Variants in LARGE1 observed in about 807,000 individuals in gnomAD.
LARGE1 encodes the protein xylosyl- and glucuronyltransferase LARGE1.
Under a neutral mutation model 87.6 loss-of-function variants are expected in LARGE1, and 43 were observed. That is an observed-to-expected ratio of 0.49 (90% CI 0.38 to 0.63). The LOEUF (loss-of-function observed/expected upper bound fraction) is 0.63. Among genes scored for constraint, LARGE1 ranks in the 30% least tolerant of loss-of-function variants. LARGE1 has a pLI of 0.00. For missense variants in LARGE1, 802 were observed against 1,000.2 expected, an observed-to-expected ratio of 0.80 and a Z score of 2.67; for synonymous variants, 434 against 394.6, an observed-to-expected ratio of 1.10 and a Z score of -1.18.
intron 6 of LARGE1, among the ~76,000 whole-genome samples, chr22:33,446,329 T>C (rs774212867): frequency 7.3e-4 from 111 of 152,288 alleles, no homozygotes; most frequent in Non-Finnish European, 1.3e-3. Flanking sequence ...AGTAAAACAC[T>C]TTCCTAAGCT....
intron 2 of LARGE1, among the ~76,000 whole-genome samples, chr22:33,720,838 G>A (rs16992862): frequency 3.3e-5 from 5 of 152,050 alleles, no homozygotes; most frequent in Admixed American, 2.0e-4. Flanking sequence ...CTGGTGTCAC[G>A]GCAGAGATGA....
chr22:33,465,147 G>A (rs2068554472), intron 6 of LARGE1, among the ~76,000 whole-genome samples: 1 of 152,204 alleles, frequency 6.6e-6, no homozygotes, highest in Non-Finnish European at 1.5e-5. Flanking sequence ...AGTTTACATG[G>A]CGCGACATTG....
At chr22:33,282,284 G>A (rs1349319983) in intron 13 of LARGE1, among the ~76,000 whole-genome samples, 2 of 152,196 alleles carry the variant, frequency 1.3e-5, no homozygotes, top group African/African-American at 4.8e-5. Flanking sequence ...GGCGGAGGTC[G>A]CAGTGAGCCG....
At chr22:33,177,357 C>A (rs1922931881) in intron 11 of LARGE1, among the ~76,000 whole-genome samples, 3 of 151,974 alleles carry the variant, frequency 2.0e-5, no homozygotes, top group African/African-American at 7.2e-5. Context: ...TTAAATAAAA[C>A]AATAGATATG....
At chr22:33,831,377 C>T (rs752492682) in intron 1 of LARGE1, among the ~76,000 whole-genome samples, 27 of 152,208 alleles carry the variant, frequency 1.8e-4, no homozygotes, top group Non-Finnish European at 3.4e-4. Flanking sequence ...TCTGCTTTGC[C>T]TTCCTGTTCC....
intron 6 of LARGE1, among the ~76,000 whole-genome samples, chr22:33,466,036 C>A (rs759607990): frequency 6.6e-6 from 1 of 152,176 alleles, no homozygotes; most frequent in Non-Finnish European, 1.5e-5. Context: ...GTAGCCTATA[C>A]GTCCCTACCC....
At chr22:33,615,321 A>C (rs16992631) in intron 4 of LARGE1, among the ~76,000 whole-genome samples, 490 of 152,292 alleles carry the variant, frequency 3.2e-3, no homozygotes, top group African/African-American at 0.011. Context: ...CGCAATTACC[A>C]AAGAGATTCA....
At chr22:33,703,593 G>A (rs775035590) in intron 2 of LARGE1, among the ~76,000 whole-genome samples, 3 of 152,124 alleles carry the variant, frequency 2.0e-5, no homozygotes, top group East Asian at 1.9e-4. Flanking sequence ...AGGAAGAGTC[G>A]GCGTCGGAGG....
intron 6 of LARGE1, among the ~76,000 whole-genome samples, chr22:33,519,968 T>G (rs527381238): frequency 6.6e-6 from 1 of 151,850 alleles, no homozygotes; most frequent in African/African-American, 2.4e-5. Context: ...GCTAAGAGAC[T>G]GTTCGTCTAT....
At chr22:33,203,097 C>CTG (rs1445298938) in intron 11 of LARGE1, among the ~76,000 whole-genome samples, 1 of 132,936 alleles carries the variant, frequency 7.5e-6, no homozygotes, top group East Asian at 2.1e-4. Flanking sequence ...CTCTCTCTCT[C>CTG]TCTCTGTGTG....
At chr22:33,778,627 C>A (rs2085322600) in intron 1 of LARGE1, among the ~76,000 whole-genome samples, 1 of 152,098 alleles carries the variant, frequency 6.6e-6, no homozygotes, top group Non-Finnish European at 1.5e-5. Flanking sequence ...CAAGGTTTAT[C>A]CATGTTGCAG....
chr22:33,870,149 T>A (rs1167939031), intron 1 of LARGE1, among the ~76,000 whole-genome samples: 1 of 152,118 alleles, frequency 6.6e-6, no homozygotes, highest in Non-Finnish European at 1.5e-5. Context: ...GATGGCCATG[T>A]GATGAGACAC....
chr22:33,216,924 AG>A (rs1348677764), intron 11 of LARGE1, among the ~76,000 whole-genome samples: 1 of 152,212 alleles, frequency 6.6e-6, no homozygotes. Flanking sequence ...CATTTGCTGC[AG>A]GTGCTCAGTC....
intron 2 of LARGE1, among the ~76,000 whole-genome samples, chr22:33,654,390 C>T (rs373624371): frequency 2.6e-5 from 4 of 152,214 alleles, no homozygotes; most frequent in Non-Finnish European, 5.9e-5. Flanking sequence ...TGGAGATGTG[C>T]TCCGAGTCCC....
At chr22:33,858,349 C>A (rs550525226) in intron 1 of LARGE1, among the ~76,000 whole-genome samples, 2 of 152,306 alleles carry the variant, frequency 1.3e-5, no homozygotes, top group African/African-American at 4.8e-5. Context: ...AAACCCGGAC[C>A]AGAAGAGAGT....
At chr22:33,466,713 CAT>C (rs71320978) in intron 6 of LARGE1, among the ~76,000 whole-genome samples, 2,891 of 147,794 alleles carry the variant, frequency 0.02, 101 homozygotes, top group African/African-American at 0.062. Flanking sequence ...CACACACACA[CAT>C]ACACACACAC....
chr22:33,737,093 G>A (rs758397019), intron 2 of LARGE1, among the ~76,000 whole-genome samples: 106 of 152,264 alleles, frequency 7.0e-4, no homozygotes, highest in Middle Eastern at 3.4e-3. Context: ...GCACCCCCAC[G>A]TAAACAGTCA....
chr22:33,247,154 CAG>C (rs138341037), intron 11 of LARGE1, among the ~76,000 whole-genome samples: 2,897 of 150,560 alleles, frequency 0.019, 92 homozygotes, highest in African/African-American at 0.066. Flanking sequence ...TAAAGTTGCA[CAG>C]AGTGATTCAT....
At chr22:33,922,272 G>GGGGGGGTGGGGGGGGGGGGT (rs57674650), upstream of LARGE1, 1 of 119,534 alleles carries the variant, frequency 8.4e-6, no homozygotes, top group South Asian at 3.2e-4. Context: ...AGGTCGGGCT[G>GGGGGGGTGGGGGGGGGGGGT]GGGGGGTGGG....
Sources: gnomAD v4.1 joint callset for allele counts (sites outside exome capture counted in the v4.1 genomes callset) on GRCh38, gnomAD v4.1.1 for gene constraint, MANE v1.5 for transcripts, NCBI Gene and HGNC (gene_info 2026-07-23, HGNC 2026-07-21) for gene names.